Variants in COL21A1 observed in about 807,000 individuals in gnomAD.
COL21A1 encodes collagen alpha-1(XXI) chain.
In COL21A1, 149 loss-of-function variants were observed where a neutral mutation model predicts 137.9. The ratio of observed to expected loss-of-function variants is 1.08; its 90% CI spans 0.95 to 1.24. COL21A1 has a LOEUF of 1.24. Among genes scored for constraint, COL21A1 ranks in the 50% most tolerant of loss-of-function variants. The pLI is 0.00. For synonymous variants in COL21A1, 456 were observed against 391.5 expected (o/e 1.16, Z -1.95); for missense variants, 1,167 against 1,158.4 (o/e 1.01, Z -0.11).
At chr6:56,058,420 A>G (rs1202609588) in intron 29 of COL21A1, among the ~76,000 whole-genome samples, 1 of 152,154 alleles carries the variant, frequency 6.6e-6, no homozygotes, top group East Asian at 1.9e-4. Context: ...AACAAAAGCT[A>G]GCTTACCATA....
At chr6:56,285,987 G>A (rs559783199) in intron 1 of COL21A1, among the ~76,000 whole-genome samples, 6 of 151,878 alleles carry the variant, frequency 4.0e-5, no homozygotes, top group African/African-American at 1.5e-4. Flanking sequence ...CTTTTATACG[G>A]GCAGTTAATT....
At chr6:56,144,395 T>G (rs1561913324) in intron 10 of COL21A1, among the ~76,000 whole-genome samples, 1 of 152,162 alleles carries the variant, frequency 6.6e-6, no homozygotes, top group Non-Finnish European at 1.5e-5. Flanking sequence ...TTTTAAATTA[T>G]TTAGAATTCT....
chr6:56,200,272 A>C (rs1433930475), intron 1 of COL21A1, among the ~76,000 whole-genome samples: 1 of 152,136 alleles, frequency 6.6e-6, no homozygotes, highest in Non-Finnish European at 1.5e-5. Context: ...TGTGTCTATT[A>C]AAGGGTTTTA....
At chr6:56,097,400 G>C (rs1270483042) in intron 17 of COL21A1, among the ~76,000 whole-genome samples, 1 of 151,976 alleles carries the variant, frequency 6.6e-6, no homozygotes, top group African/African-American at 2.4e-5. Context: ...TGGTAATTTA[G>C]TTTTTGCTTG....
chr6:56,083,586 G>T (rs567934938), intron 17 of COL21A1, among the ~76,000 whole-genome samples: 13 of 151,978 alleles, frequency 8.6e-5, no homozygotes, highest in Admixed American at 4.0e-4. Flanking sequence ...GGGGAGAGGA[G>T]GGAGTTGTCA....
rs201630913 is a variant in COL21A1, at chr6:56,179,572, G to T, written c.640+6C>A. ...CCAAATTATATTAAGGCATTTTAAG[G>T]CTTACCTTCACAAAGTTTCTGCTTC... On this transcript the variant is annotated splice_donor_region_variant and intron_variant, in intron 3 of 29. Coordinates refer to ENST00000244728, the MANE Select transcript of COL21A1 (RefSeq NM_030820.4). The T allele has an allele frequency of 1.3e-5, 20 of 1,599,694 alleles. No individual in the cohort carries two copies. Among genetic ancestry groups the T allele is most frequent in the Middle Eastern group, 1.7e-4 (1 of 5,976 alleles).
chr6:56,331,001 G>A (rs1005963327), intron 1 of COL21A1, among the ~76,000 whole-genome samples: 1 of 151,978 alleles, frequency 6.6e-6, no homozygotes, highest in African/African-American at 2.4e-5. Flanking sequence ...GAATTGTGTA[G>A]GATGGTATCT....
In COL21A1 at chr6:56,349,149, G is replaced by A. The variant is rs74917498; in HGVS notation, c.-39+44822C>T. 3.2e-3 allele frequency among the ~76,000 whole-genome samples: 492 copies of A among 152,240 alleles called. 10 individuals carry two copies. The highest frequency in any genetic ancestry group is 0.024 in the Middle Eastern group (7 of 294). Reference sequence around the variant, plus strand: ...CTTTCTGGCCTTGGCTAGGGCACTAGGAAAATGAACCTTGAAAATAATCCA... The same window carrying A: ...CTTTCTGGCCTTGGCTAGGGCACTAAGAAAATGAACCTTGAAAATAATCCA... On this transcript the variant is annotated intron_variant, in intron 1 of 28. Transcript: ENST00000370819.
At chr6:56,186,565 C>A (rs1778319659) in intron 1 of COL21A1, among the ~76,000 whole-genome samples, 1 of 152,078 alleles carries the variant, frequency 6.6e-6, no homozygotes, top group Non-Finnish European at 1.5e-5. Flanking sequence ...ATAAAACCAT[C>A]ATTTTTTATG....
At chr6:56,371,745 GT>G (rs2093988989) in intron 1 of COL21A1, among the ~76,000 whole-genome samples, 1 of 152,156 alleles carries the variant, frequency 6.6e-6, no homozygotes, top group African/African-American at 2.4e-5. Context: ...ACCATTTTGG[GT>G]GCCAAGAAGA....
Position 56,342,837 on chromosome 6 carries a change from G to A in COL21A1, c.-39+51134C>T, listed in dbSNP as rs544798164. ...CTTCCATGCTCATACTTTTGCCAACGCACCACCCTGAAAGGTCTGTGCACT... is the reference window on the plus strand; with the variant it reads ...CTTCCATGCTCATACTTTTGCCAACACACCACCCTGAAAGGTCTGTGCACT... On this transcript the variant is annotated intron_variant, in intron 1 of 28. Transcript: ENST00000370819. Among the ~76,000 whole-genome samples the A allele has an allele frequency of 3.3e-4, 50 of 152,156 alleles. 1 individual carries two copies. In the South Asian group the frequency reaches 1.0e-2, roughly 30 times the overall value.
chr6:56,203,468 T>C (rs879131255), intron 1 of COL21A1, among the ~76,000 whole-genome samples: 2 of 152,202 alleles, frequency 1.3e-5, no homozygotes, highest in African/African-American at 4.8e-5. Context: ...TTTCTAAATA[T>C]CATTTTCCAT....
intron 1 of COL21A1, among the ~76,000 whole-genome samples, chr6:56,331,086 A>G (rs563559261): frequency 9.9e-5 from 15 of 151,976 alleles, no homozygotes; most frequent in African/African-American, 3.6e-4. Context: ...TTGACCATTT[A>G]TATGTGTTCT....
At chr6:56,326,864 A>G (rs569145761) in intron 1 of COL21A1, among the ~76,000 whole-genome samples, 57 of 152,172 alleles carry the variant, frequency 3.7e-4, no homozygotes, top group African/African-American at 1.3e-3. Flanking sequence ...TTAGTTTTAC[A>G]TAACACTAGA....
upstream of COL21A1, among the ~76,000 whole-genome samples, chr6:56,248,599 A>T (rs1015486559): frequency 6.6e-6 from 1 of 152,208 alleles, no homozygotes; most frequent in Non-Finnish European, 1.5e-5. Context: ...GTGTCCCCTG[A>T]GCCTAGAACA....
chr6:56,319,618 A>G (rs1764820626), intron 1 of COL21A1, among the ~76,000 whole-genome samples: 2 of 152,176 alleles, frequency 1.3e-5, no homozygotes, highest in African/African-American at 4.8e-5. Context: ...CATTATAGGC[A>G]TGAGCCACTG....
chr6:56,306,728 A>G (rs1438939779), intron 1 of COL21A1, among the ~76,000 whole-genome samples: 1 of 151,454 alleles, frequency 6.6e-6, no homozygotes, highest in Non-Finnish European at 1.5e-5. Flanking sequence ...TCTTCTCTCA[A>G]CTCGTCAAAG....
intron 1 of COL21A1, among the ~76,000 whole-genome samples, chr6:56,308,794 G>T (rs776333650): frequency 5.3e-5 from 8 of 152,130 alleles, no homozygotes; most frequent in Non-Finnish European, 1.2e-4. Context: ...TACATATCAA[G>T]TGCTCAGTAG....
At chr6:56,110,983 G>A (rs941882631) in intron 16 of COL21A1, among the ~76,000 whole-genome samples, 5 of 152,006 alleles carry the variant, frequency 3.3e-5, no homozygotes, top group African/African-American at 1.2e-4. Context: ...GCTTGAATTT[G>A]GTGACTTGCT....
Sources: allele counts gnomAD v4.1 joint callset (sites outside exome capture counted in the v4.1 genomes callset), GRCh38; gene constraint gnomAD v4.1.1; transcripts MANE v1.5; gene names NCBI Gene and HGNC (gene_info 2026-07-23, HGNC 2026-07-21).